EPRS1: variants seen among roughly 807,000 people sequenced by gnomAD.
The protein encoded by EPRS1 is glutamyl-prolyl-tRNA synthetase 1.
A neutral mutation model predicts 188.3 loss-of-function variants in EPRS1; 107 were observed. The ratio of observed to expected loss-of-function variants is 0.57; its 90% CI spans 0.49 to 0.67. The LOEUF (loss-of-function observed/expected upper bound fraction) is 0.67, where lower values mean the gene tolerates loss of function less well. Ranked by LOEUF, EPRS1 falls within the 30% of genes least tolerant of loss-of-function variation. EPRS1 has a pLI of 0.00. For synonymous variants in EPRS1, 596 were observed against 593.1 expected, an observed-to-expected ratio of 1.00 and a Z score of -0.07; for missense variants, 1,577 against 1,802.2, an observed-to-expected ratio of 0.88 and a Z score of 2.26.
chr1:219,981,953 C>T (rs1660909464), intron 23 of EPRS1, among the ~76,000 whole-genome samples: 1 of 152,184 alleles, frequency 6.6e-6, no homozygotes, highest in African/African-American at 2.4e-5. Flanking sequence ...ATATCTGATG[C>T]ATCTACTCAG....
intron 1 of EPRS1, among the ~76,000 whole-genome samples, chr1:220,045,884 G>A (rs1175618270): frequency 1.3e-5 from 2 of 152,166 alleles, no homozygotes; most frequent in Non-Finnish European, 2.9e-5. Flanking sequence ...GTGAACTGAG[G>A]ATTTCTCCTG....
chr1:220,038,541 A>G (rs2052374511), intron 2 of EPRS1, among the ~76,000 whole-genome samples: 1 of 150,762 alleles, frequency 6.6e-6, no homozygotes, highest in Non-Finnish European at 1.5e-5. Flanking sequence ...ACACCCAGCT[A>G]ATTTTTCCTC....
chr1:220,036,266 C>T (rs1453177190), intron 2 of EPRS1, among the ~76,000 whole-genome samples: 1 of 152,144 alleles, frequency 6.6e-6, no homozygotes, highest in Non-Finnish European at 1.5e-5. Context: ...CTGTAAAAAG[C>T]AGTATGGCAT....
chr1:220,044,675 G>A (rs1356396415), intron 1 of EPRS1, among the ~76,000 whole-genome samples: 1 of 102,212 alleles, frequency 9.8e-6, no homozygotes, highest in Non-Finnish European at 1.8e-5. Context: ...CAATGAGCTC[G>A]GTCTCCAAAA....
intron 11 of EPRS1, among the ~76,000 whole-genome samples, 150 bp downstream of exon 11, chr1:220,018,841 AGTTT>A (rs1302309253): frequency 3.6e-5 from 4 of 112,392 alleles, no homozygotes; most frequent in South Asian, 2.9e-4. Flanking sequence ...AAAAAAAAAA[AGTTT>A]GTTTTAAAAA....
intron 20 of EPRS1, among the ~76,000 whole-genome samples, chr1:219,985,502 C>T (rs562302578): frequency 4.6e-5 from 7 of 152,220 alleles, no homozygotes; most frequent in Admixed American, 1.3e-4. Flanking sequence ...AAGCGATTCT[C>T]GTGCCTCAGC....
In EPRS1 at chr1:220,033,544, A is replaced by G; in HGVS notation, c.346T>C (p.Ser116Pro). ...ACACATAAATCTGCTAAACTCAAGGAGTTTCCAACTAAGTATGTTCTCAGA... is the reference window on the plus strand; with the variant it reads ...ACACATAAATCTGCTAAACTCAAGGGGTTTCCAACTAAGTATGTTCTCAGA... The part of the protein sequence containing the change: ...LSLRTYLVGN[S>P]LSLADLCVWA... The change falls in exon 4 of 32, where the codon TCC becomes CCC. Residue 116 changes from serine to proline, a missense_variant. Transcript: ENST00000366923. The G allele has an allele frequency of 6.2e-7, 1 of 1,612,712 alleles. No individual in the cohort carries two copies. Among genetic ancestry groups the G allele is most frequent in the South Asian group, 1.1e-5 (1 of 90,958 alleles).
intron 28 of EPRS1, among the ~76,000 whole-genome samples, chr1:219,975,051 T>A (rs1660749232): frequency 6.6e-6 from 1 of 152,144 alleles, no homozygotes; most frequent in African/African-American, 2.4e-5. Flanking sequence ...GCCTATGTCA[T>A]AAATGATAAT....
At chr1:220,018,782 G>A (rs539738561) in intron 11 of EPRS1, among the ~76,000 whole-genome samples, 2 of 143,246 alleles carry the variant, frequency 1.4e-5, no homozygotes, top group Admixed American at 1.4e-4. Context: ...TAGCTTAGGA[G>A]TTTAGGACAT....
intron 18 of EPRS1, among the ~76,000 whole-genome samples, chr1:219,992,223 G>T (rs1285867164): frequency 1.3e-5 from 2 of 152,066 alleles, no homozygotes; most frequent in African/African-American, 2.4e-5. Context: ...AATAACATTG[G>T]TGTAAAAAAT....
chr1:219,971,219 T>C (rs1408878986), intron 30 of EPRS1, among the ~76,000 whole-genome samples: 1 of 152,214 alleles, frequency 6.6e-6, no homozygotes. Flanking sequence ...TATTCAAACA[T>C]GTATACCAGA....
intron 28 of EPRS1, among the ~76,000 whole-genome samples, chr1:219,974,480 T>C (rs1660737051): frequency 6.6e-6 from 1 of 152,206 alleles, no homozygotes; most frequent in South Asian, 2.1e-4. Flanking sequence ...CCTTATCTGA[T>C]ACATAGTAGA....
intron 26 of EPRS1, among the ~76,000 whole-genome samples, 153 bp from the exon 27 acceptor site, chr1:219,979,768 C>T (rs1202285911): frequency 6.6e-6 from 1 of 151,894 alleles, no homozygotes; most frequent in Non-Finnish European, 1.5e-5. Flanking sequence ...AGCATAATTA[C>T]CATAATAAGA....
chr1:220,008,625 A>G (rs530084637), intron 13 of EPRS1, among the ~76,000 whole-genome samples: 1 of 152,348 alleles, frequency 6.6e-6, no homozygotes, highest in Non-Finnish European at 1.5e-5. Context: ...TCCAGTCACA[A>G]TTTAAGAGTG....
intron 6 of EPRS1, among the ~76,000 whole-genome samples, chr1:220,028,249 T>C (rs190045632): frequency 1.3e-5 from 2 of 152,346 alleles, no homozygotes; most frequent in East Asian, 3.9e-4. Context: ...AATTAGTACC[T>C]ATTATTTTAC....
At chr1:220,020,827 TATATATATATATA>T (rs1558057809) in intron 9 of EPRS1, among the ~76,000 whole-genome samples, 187 of 2,368 alleles carry the variant, frequency 0.079, no homozygotes, top group African/African-American at 0.19. Context: ...TTTGAATTTA[TATATATATATATA>T]TATATATATA....
At chr1:220,020,824 T>TTATATATATATATATA (rs71169429) in intron 9 of EPRS1, among the ~76,000 whole-genome samples, 18 of 109,272 alleles carry the variant, frequency 1.6e-4, no homozygotes, top group South Asian at 3.5e-4. Flanking sequence ...CAATTTGAAT[T>TTATATATATATATATA]TATATATATA....
intron 16 of EPRS1, among the ~76,000 whole-genome samples, chr1:220,003,172 G>T (rs950228538): frequency 6.6e-6 from 1 of 152,064 alleles, no homozygotes; most frequent in African/African-American, 2.4e-5. Context: ...CATCCTAGTG[G>T]TATGCAATGA....
intron 28 of EPRS1, among the ~76,000 whole-genome samples, chr1:219,975,459 G>A (rs1229744860): frequency 6.6e-6 from 1 of 152,080 alleles, no homozygotes; most frequent in Non-Finnish European, 1.5e-5. Flanking sequence ...TTCTTGAGAT[G>A]GAGTTTCGCT....
Sources: allele counts gnomAD v4.1 joint callset (sites outside exome capture counted in the v4.1 genomes callset), GRCh38; gene constraint gnomAD v4.1.1; transcripts MANE v1.5; gene names NCBI Gene and HGNC (gene_info 2026-07-23, HGNC 2026-07-21).